FBN3: variants seen among roughly 807,000 people sequenced by gnomAD.
FBN3 encodes the protein fibrillin-3.
FBN3 carries 234 observed loss-of-function variants against 330.1 expected under a neutral mutation model. That is an observed-to-expected ratio of 0.71 (90% CI 0.64 to 0.79). The LOEUF is 0.79. Among genes scored for constraint, FBN3 ranks in the 30% least tolerant of loss-of-function variants. The pLI, the probability that FBN3 is intolerant of heterozygous loss-of-function variation, is 0.00. For synonymous variants in FBN3, 1,458 were observed against 1,517.3 expected, an observed-to-expected ratio of 0.96 and a Z score of 0.91; for missense variants, 3,606 against 3,886.9, an observed-to-expected ratio of 0.93 and a Z score of 1.92.
In FBN3 at chr19:8,141,796, G is replaced by A. The variant is rs766851566; in HGVS notation, c.786C>T (p.Ser262=). The change falls in exon 8 of 64, where the codon AGC becomes AGT. Residue 262 remains serine, a synonymous_variant. Transcript: ENST00000600128. The stretch of plus-strand genomic sequence containing the variant: ...GGAAGGAGCCCACCATGTTGACGCA[G>A]CTGCCTCCCTGGCACAGGCCTGGCA... The part of the protein sequence containing the change: ...QAVPGLCQGG[S]CVNMVGSFHC... The A allele has an allele frequency of 2.5e-6, 4 of 1,614,166 alleles. No homozygotes were observed. The South Asian group carries it at 3.3e-5, about 13-fold the overall frequency.
At chr19:8,084,275 C>T (rs1034835962) in intron 56 of FBN3, among the ~76,000 whole-genome samples, 1 of 152,208 alleles carries the variant, frequency 6.6e-6, no homozygotes, top group Non-Finnish European at 1.5e-5. Flanking sequence ...CCTCTCACTG[C>T]CTTCTACTTC....
In FBN3 at chr19:8,109,766, A is replaced by T. The variant is rs3813779; in HGVS notation, c.4334-13T>A. 6.8e-7 allele frequency: 1 copy of T among 1,459,942 alleles called. No homozygotes were observed. 90.4% of individuals were successfully genotyped at this position (1,459,942 alleles called of 1,614,324 possible). A position where few individuals can be genotyped will look rare whatever the true frequency, so the allele number is the denominator to read the frequency against. On this transcript the variant is annotated splice_polypyrimidine_tract_variant and intron_variant, in intron 34 of 63. Transcript: ENST00000600128. This position sits in a 1 kb window ranked among gnomAD's most constrained non-coding sequence, Gnocchi z 5.2. ...CACTCGTTGATGTCTGTAGGGAGGA[A>T]GCGCGGTCCTCAGCAGGGAGCCCCT...
At position 8,118,201 on chromosome 19, in the gene FBN3, CCA is replaced by C. The variant is rs1337967310; in HGVS notation, c.3338-614_3338-613del. Reference sequence around the variant, plus strand: ...GACCCACTCAAACACATTCTCACACCCACTCACACACAAACACACCTCTATAA... The same window carrying C: ...GACCCACTCAAACACATTCTCACACCCTCACACACAAACACACCTCTATAA... On this transcript the variant is annotated intron_variant, in intron 26 of 63. Coordinates refer to ENST00000600128, the MANE Select transcript of FBN3 (RefSeq NM_032447.5). Among the ~76,000 whole-genome samples the C allele has an allele frequency of 5.3e-5, 8 of 152,218 alleles. No homozygotes were observed. The South Asian group carries it at 6.2e-4, about 12-fold the overall frequency.
intron 56 of FBN3, among the ~76,000 whole-genome samples, chr19:8,084,142 A>G (rs73503753): frequency 6.6e-6 from 1 of 151,910 alleles, no homozygotes; most frequent in African/African-American, 2.4e-5. Context: ...TGGATAACCC[A>G]TCTCACTATC....
chr19:8,126,418 A>G (rs376553314), intron 20 of FBN3, 50 bp downstream of exon 20: 3 of 1,595,590 alleles, frequency 1.9e-6, no homozygotes, highest in Non-Finnish European at 2.6e-6. Flanking sequence ...GACCCGCCCC[A>G]TGGAGGGCTT....
Position 8,087,165 on chromosome 19 carries a change from G to T in FBN3, c.6666C>A (p.Gly2222=). Residue 2222 remains glycine (G), a synonymous_variant, in exon 54 of 64, where the codon GGC becomes GGA. Coordinates refer to ENST00000600128, the MANE Select transcript of FBN3 (RefSeq NM_032447.5). ...TACCGATGAGGTTCTTGCACTCCAT[G>T]CCCCGGGCGTGGCAGTCCTGCTGAC... The part of the protein sequence containing the change: ...ADGQQDCHAR[G]MECKNLIGTF... 6.2e-7 allele frequency: 1 copy of T among 1,608,184 alleles called. No homozygotes were observed.
intron 59 of FBN3, among the ~76,000 whole-genome samples, chr19:8,076,610 G>A (rs1464246076): frequency 6.6e-6 from 1 of 152,160 alleles, no homozygotes; most frequent in Non-Finnish European, 1.5e-5. Context: ...CTGCACTCCA[G>A]TCTGGGTGAC....
Position 8,121,268 on chromosome 19 carries a change from C to T in FBN3, c.3201G>A (p.Lys1067=). The change falls in exon 25 of 64, where the codon AAG becomes AAA. Residue 1067 remains lysine (K), a synonymous_variant. Coordinates refer to ENST00000600128, the MANE Select transcript of FBN3 (RefSeq NM_032447.5). The surrounding 1 kb of genome is among the most constrained non-coding windows in gnomAD (Gnocchi z 4.5). ...PGYESGFMLM[K]NCMDVDECAR... The stretch of plus-strand genomic sequence containing the variant: ...CCGGCAGTCACCGACCCATGCAGTT[C>T]TTCATCAGCATGAAGCCACTCTCGT... 6.2e-7 allele frequency: 1 copy of T among 1,607,294 alleles called. No homozygotes were observed. Among genetic ancestry groups the T allele is most frequent in the Non-Finnish European group, 8.5e-7 (1 of 1,176,258 alleles).
chr19:8,066,575 G>A (rs2081395473), intron 63 of FBN3, among the ~76,000 whole-genome samples: 1 of 152,142 alleles, frequency 6.6e-6, no homozygotes, highest in Non-Finnish European at 1.5e-5. Context: ...AGCAGGGAGA[G>A]AGGGAGGGAG....
chr19:8,135,938 C>CCCCCCCCCCCCCCCCCCCCCCCCCA, intron 13 of FBN3, 23 bp downstream of exon 13: 1 of 233,824 alleles, frequency 4.3e-6, no homozygotes, highest in African/African-American at 3.9e-5. Flanking sequence ...AAGCCCCTGC[C>CCCCCCCCCCCCCCCCCCCCCCCCCA]CACCCGCCCA....
At position 8,121,226 on chromosome 19, in the gene FBN3, G is replaced by T; in HGVS notation, c.3211+32C>A. The T allele has an allele frequency of 6.4e-7, 1 of 1,552,774 alleles. No homozygotes were observed. The highest frequency in any genetic ancestry group is 8.7e-7 in the Non-Finnish European group (1 of 1,144,528). ...CCTCAATGCCCTCCCTGCCCAGGGC[G>T]CCCACCACACCCCTGCCCGGCAGTC... On this transcript the variant is annotated intron_variant, in intron 25 of 63. Transcript: ENST00000600128. This position sits in a 1 kb window ranked among gnomAD's most constrained non-coding sequence, Gnocchi z 4.5.
intron 1 of FBN3, 80 bp from the exon 2 acceptor site, chr19:8,147,577 G>T: frequency 7.8e-7 from 1 of 1,284,564 alleles, no homozygotes; most frequent in Non-Finnish European, 1.0e-6. Context: ...AGGAGGGCAG[G>T]GTGGTTGCCA....
chr19:8,144,372 G>A (rs907442366), intron 6 of FBN3, among the ~76,000 whole-genome samples: 1 of 149,116 alleles, frequency 6.7e-6, no homozygotes, highest in Non-Finnish European at 1.5e-5. Context: ...ACTCTAGCCC[G>A]AAAGAGCAAA....
At chr19:8,082,287 C>T (rs1430251321) in intron 57 of FBN3, among the ~76,000 whole-genome samples, 1 of 148,758 alleles carries the variant, frequency 6.7e-6, no homozygotes, top group Non-Finnish European at 1.5e-5. Context: ...CCCTTCCTTC[C>T]TCTCCCTTTC....
In FBN3 at chr19:8,085,433, A is replaced by G; in HGVS notation, c.7017T>C (p.Cys2339=). The G allele has an allele frequency of 3.8e-6, 6 of 1,580,904 alleles. No homozygotes were observed. Among genetic ancestry groups the G allele is most frequent in the Non-Finnish European group, 5.1e-6 (6 of 1,165,060 alleles). The change falls in exon 56 of 64, where the codon TGT becomes TGC. Residue 2339 remains cysteine, a synonymous_variant. Coordinates refer to ENST00000600128, the MANE Select transcript of FBN3 (RefSeq NM_032447.5). The part of the protein sequence containing the change: ...GRGWGPRCEL[C]PLPGTSAYRK... ...TGTAGGCAGAGGTGCCGGGCAGGGG[A>G]CAGAGCTCGCAGCGGGGCCCCCAGC...
In FBN3 at chr19:8,112,413, G is replaced by A. The variant is rs1211670444; in HGVS notation, c.3839-314C>T. On this transcript the variant is annotated intron_variant, in intron 30 of 63. Transcript: ENST00000600128. ...TGTAATCCCAGCACTTTGGGAGGCC[G>A]AGGCGGGTGGATCACGAGGTCAGGA... Among the ~76,000 whole-genome samples, 8 of 152,284 alleles carry A rather than the reference G, an allele frequency of 5.3e-5. 1 individual carries two copies. The East Asian group carries it at 9.7e-4, about 18-fold the overall frequency.
intron 13 of FBN3, among the ~76,000 whole-genome samples, chr19:8,133,840 C>G (rs2083212771): frequency 6.6e-6 from 1 of 151,968 alleles, no homozygotes; most frequent in African/African-American, 2.4e-5. Flanking sequence ...TTAGTAAGAC[C>G]ATGGTCTAAT....
rs142237067 is a variant in FBN3, at chr19:8,121,381, C to T, written c.3088G>A (p.Asp1030Asn). ...DAQERNCTDI[D>N]ECRISPDLCG... ...AGGTCAGGAGAGATGCGACACTCGT[C>T]GATATCTGTGGGGAGAGGGGGCAGA... The change falls in exon 25 of 64, where the codon GAC becomes AAC. Residue 1030 changes from aspartate (D) to asparagine (N), a missense_variant. By Grantham distance (23) the Asp-to-Asn change is conservative (BLOSUM62 1). Coordinates refer to ENST00000600128, the MANE Select transcript of FBN3 (RefSeq NM_032447.5). This position sits in a 1 kb window ranked among gnomAD's most constrained non-coding sequence, Gnocchi z 4.5. 1,415 of 1,591,458 alleles carry T rather than the reference C, an allele frequency of 8.9e-4. 3 individuals carry two copies. The highest frequency in any genetic ancestry group is 1.3e-3 in the Admixed American group (75 of 57,766).
rs1252768315 is a variant in FBN3, at chr19:8,123,849, C to A, written c.2891G>T (p.Ser964Ile). 3 of 1,612,858 alleles carry A rather than the reference C, an allele frequency of 1.9e-6. No individual in the cohort carries two copies. The Admixed American group carries it at 5.0e-5, about 27-fold the overall frequency. The change falls in exon 23 of 64, where the codon AGC (serine) becomes ATC (isoleucine). Residue 964 changes from serine to isoleucine, a missense_variant. Transcript: ENST00000600128. ...GAAGCCCAGCCCCCGCGGGCACAGG[C>A]TGGCGAACTCCAGAGACTCGGGATC... ...CPDPESLEFA[S>I]LCPRGLGFAS...
Sources: gnomAD v4.1 joint callset for allele counts (sites outside exome capture counted in the v4.1 genomes callset) on GRCh38, gnomAD v4.1.1 for gene constraint, Gnocchi (gnomAD v3.1) non-coding constraint, MANE v1.5 for transcripts, NCBI Gene and HGNC (gene_info 2026-07-23, HGNC 2026-07-21) for gene names.